The following OSBPL10 variants were observed in gnomAD, a reference collection of about 807,000 sequenced individuals.
The protein encoded by OSBPL10 is oxysterol-binding protein-related protein 10.
In OSBPL10, 49 loss-of-function variants were observed where a neutral mutation model predicts 81.7. The ratio of observed to expected loss-of-function variants is 0.60; its 90% confidence interval spans 0.48 to 0.76. The LOEUF is 0.76. OSBPL10 is among the 30% of genes least tolerant of loss of function. The pLI, the probability that OSBPL10 is intolerant of heterozygous loss-of-function variation, is 0.00. For missense variants in OSBPL10, 923 were observed against 987.8 expected (o/e 0.93, Z 0.88); for synonymous variants, 419 against 383.6 (o/e 1.09, Z -1.08).
intron 3 of OSBPL10, among the ~76,000 whole-genome samples, chr3:31,831,715 C>T (rs1330748839): frequency 6.6e-6 from 1 of 152,088 alleles, no homozygotes; most frequent in Non-Finnish European, 1.5e-5. Context: ...ATCAGATTGG[C>T]AAAAATTCAA....
intron 1 of OSBPL10, among the ~76,000 whole-genome samples, chr3:31,958,176 A>G (rs1015285381): frequency 6.6e-6 from 1 of 152,374 alleles, no homozygotes; most frequent in Middle Eastern, 3.4e-3. Flanking sequence ...TGACTTTGCC[A>G]CTAAACATCT....
chr3:31,783,059 T>C (rs763649195), intron 4 of OSBPL10, among the ~76,000 whole-genome samples: 4 of 147,916 alleles, frequency 2.7e-5, no homozygotes, highest in Non-Finnish European at 5.9e-5. Flanking sequence ...AATTAAGGAG[T>C]GGATGAAGAA....
At chr3:31,766,329 G>GTTTTT (rs148986285) in intron 4 of OSBPL10, among the ~76,000 whole-genome samples, 1 of 22,578 alleles carries the variant, frequency 4.4e-5, no homozygotes, top group African/African-American at 7.7e-5. Context: ...TAGTTTTTTT[G>GTTTTT]TTTTTTTGTT....
At chr3:31,965,374 AAT>A (rs1698292955) in intron 1 of OSBPL10, among the ~76,000 whole-genome samples, 1 of 117,122 alleles carries the variant, frequency 8.5e-6, no homozygotes, top group Non-Finnish European at 1.6e-5. Flanking sequence ...CATCTCAAAA[AAT>A]ATATATATTA....
In OSBPL10 at chr3:31,690,498, A is replaced by G. The variant is rs142316447; in HGVS notation, c.1246-6384T>C. Among the ~76,000 whole-genome samples, 1,150 of 152,282 alleles carry G rather than the reference A, an allele frequency of 7.6e-3. 5 individuals carry two copies. The highest frequency in any genetic ancestry group is 0.01 in the Non-Finnish European group (695 of 68,020). ...TTGCAACTTTACTGTAGATTGGAAA[A>G]TGTTCAAAATAAAAAAGTTGGAGGA... On this transcript the variant is annotated intron_variant, in intron 7 of 11. Coordinates refer to ENST00000396556, the MANE Select transcript of OSBPL10 (RefSeq NM_017784.5).
intron 6 of OSBPL10, among the ~76,000 whole-genome samples, chr3:31,717,667 C>G (rs1253086205): frequency 1.3e-5 from 2 of 152,136 alleles, no homozygotes; most frequent in Non-Finnish European, 2.9e-5. Flanking sequence ...TTATGTGTGT[C>G]CATTTTTCTA....
At chr3:31,999,605 C>T (rs562846126) in intron 2 of OSBPL10, among the ~76,000 whole-genome samples, 7 of 152,184 alleles carry the variant, frequency 4.6e-5, no homozygotes, top group Non-Finnish European at 8.8e-5. Context: ...AGGTGATCTG[C>T]CTGCCTTGGC....
intron 1 of OSBPL10, among the ~76,000 whole-genome samples, chr3:31,938,732 T>G (rs922498642): frequency 2.0e-5 from 3 of 151,992 alleles, no homozygotes; most frequent in African/African-American, 7.3e-5. Context: ...TAGGCTCAAG[T>G]GATCCTCTGT....
At chr3:31,747,053 G>A (rs1011488729) in intron 5 of OSBPL10, among the ~76,000 whole-genome samples, 2 of 151,968 alleles carry the variant, frequency 1.3e-5, no homozygotes, top group African/African-American at 4.8e-5. Flanking sequence ...TAAGAAGTGG[G>A]GCCAGGCACA....
chr3:32,012,864 A>G (rs539091401), intron 2 of OSBPL10, among the ~76,000 whole-genome samples: 2 of 152,324 alleles, frequency 1.3e-5, no homozygotes, highest in South Asian at 4.1e-4. Flanking sequence ...ACATAATGGT[A>G]AAGGGATCAA....
intron 7 of OSBPL10, among the ~76,000 whole-genome samples, chr3:31,696,913 T>C (rs1314190634): frequency 6.6e-6 from 1 of 152,198 alleles, no homozygotes; most frequent in Non-Finnish European, 1.5e-5. Context: ...CCTAATCAGA[T>C]CCAAGACTGG....
intron 1 of OSBPL10, among the ~76,000 whole-genome samples, chr3:31,882,457 G>A (rs1243603893): frequency 6.6e-6 from 1 of 152,214 alleles, no homozygotes; most frequent in African/African-American, 2.4e-5. Flanking sequence ...CCCCACCCAA[G>A]CCCTGCTGAA....
In OSBPL10 at chr3:31,865,387, G is replaced by A. The variant is rs530347189; in HGVS notation, c.537+11046C>T. On this transcript the variant is annotated intron_variant, in intron 3 of 11. Coordinates refer to ENST00000396556, the MANE Select transcript of OSBPL10 (RefSeq NM_017784.5). ...TTTAAGTAGTCTCATGTGGCTAGAG[G>A]TCTCCATATTGCACAGCATAGTTTT... 5.9e-5 allele frequency among the ~76,000 whole-genome samples: 9 copies of A among 152,262 alleles called. No individual in the cohort carries two copies. In the South Asian group the frequency reaches 1.9e-3, roughly 32 times the overall value.
intron 3 of OSBPL10, among the ~76,000 whole-genome samples, chr3:31,850,676 A>G (rs1345238865): frequency 6.6e-6 from 1 of 152,232 alleles, no homozygotes; most frequent in Non-Finnish European, 1.5e-5. Context: ...CTGCACATAA[A>G]GCTGGCAATT....
intron 1 of OSBPL10, among the ~76,000 whole-genome samples, chr3:32,047,725 C>T (rs991012847): frequency 4.0e-5 from 6 of 151,388 alleles, no homozygotes; most frequent in African/African-American, 1.2e-4. Flanking sequence ...TGCAGTGGTG[C>T]GATCTCGGCT....
chr3:31,866,241 C>T (rs920346738), intron 3 of OSBPL10, among the ~76,000 whole-genome samples: 5 of 152,110 alleles, frequency 3.3e-5, no homozygotes, highest in Admixed American at 2.6e-4. Context: ...ACAAACAAAC[C>T]CTTTAATTCC....
chr3:32,048,310 AT>A (rs71068027), intron 1 of OSBPL10, among the ~76,000 whole-genome samples: 170 of 134,600 alleles, frequency 1.3e-3, no homozygotes, highest in Middle Eastern at 3.8e-3. Context: ...CACTACTACT[AT>A]TTTTTTTTTT....
intron 1 of OSBPL10, among the ~76,000 whole-genome samples, chr3:31,965,442 TATTATATAATATATAA>T (rs1226051179): frequency 2.6e-5 from 2 of 75,896 alleles, no homozygotes; most frequent in African/African-American, 1.1e-4. Flanking sequence ...ATATAATATA[TATTATATAATATATAA>T]TTTATATAAT....
At chr3:31,771,458 T>C (rs1405137002) in intron 4 of OSBPL10, among the ~76,000 whole-genome samples, 1 of 152,090 alleles carries the variant, frequency 6.6e-6, no homozygotes, top group African/African-American at 2.4e-5. Flanking sequence ...TTCCTTGGCT[T>C]TGAAGCATGA....
Sources: gnomAD v4.1 joint callset for allele counts (sites outside exome capture counted in the v4.1 genomes callset) on GRCh38, gnomAD v4.1.1 for gene constraint, MANE v1.5 for transcripts, NCBI Gene and HGNC (gene_info 2026-07-23, HGNC 2026-07-21) for gene names.